Variants in EFCAB11 observed in about 807,000 individuals in gnomAD.
EFCAB11 encodes EF-hand calcium-binding domain-containing protein 11.
EFCAB11 carries 14 observed loss-of-function variants against 23.0 expected under a neutral mutation model. The observed-to-expected ratio is 0.61, with a 90% CI of 0.40 to 0.95. The LOEUF (loss-of-function observed/expected upper bound fraction) is 0.95. Ranked by LOEUF, EFCAB11 falls within the 40% of genes least tolerant of loss-of-function variation. The probability of loss-of-function intolerance (pLI) is 0.00; values close to 1 mark genes in which losing one functional copy is unlikely to be tolerated. For missense variants in EFCAB11, 198 were observed against 195.8 expected (o/e 1.01, Z -0.07); for synonymous variants, 65 against 66.6 (o/e 0.98, Z 0.11).
chr14:89,923,653 C>G, intron 5 of EFCAB11: 8 of 982,202 alleles, frequency 8.1e-6, no homozygotes, highest in Non-Finnish European at 9.7e-6. Context: ...GTTTCTATAC[C>G]TGGAAGCAGG....
intron 5 of EFCAB11, among the ~76,000 whole-genome samples, chr14:89,819,453 T>G (rs913271241): frequency 7.9e-6 from 1 of 126,630 alleles, no homozygotes; most frequent in African/African-American, 4.0e-5. Context: ...AAGGTCTCAC[T>G]TTGTCACCTA....
At chr14:89,878,392 C>G (rs1307081289) in intron 5 of EFCAB11, among the ~76,000 whole-genome samples, 1 of 152,066 alleles carries the variant, frequency 6.6e-6, no homozygotes, top group Non-Finnish European at 1.5e-5. Flanking sequence ...AAAGGTACTT[C>G]TGAACTTTAC....
At chr14:89,843,306 ATAAGT>A (rs1240367632) in intron 5 of EFCAB11, among the ~76,000 whole-genome samples, 3 of 152,222 alleles carry the variant, frequency 2.0e-5, no homozygotes, top group African/African-American at 4.8e-5. Flanking sequence ...TCATTTTAAA[ATAAGT>A]TATTTGTATT....
chr14:89,828,107 C>T (rs151291533), intron 5 of EFCAB11, among the ~76,000 whole-genome samples: 130 of 152,176 alleles, frequency 8.5e-4, no homozygotes, highest in African/African-American at 2.8e-3. Flanking sequence ...ATTTAGTAGC[C>T]GTTTGCATAA....
At chr14:89,945,534 CA>C (rs748490932) in intron 3 of EFCAB11, among the ~76,000 whole-genome samples, 3 of 152,132 alleles carry the variant, frequency 2.0e-5, no homozygotes, top group Non-Finnish European at 4.4e-5. Flanking sequence ...TTACTTGGAA[CA>C]ACTATTTGCA....
chr14:89,857,148 T>C (rs1173131028), intron 5 of EFCAB11, among the ~76,000 whole-genome samples: 2 of 152,244 alleles, frequency 1.3e-5, no homozygotes, highest in African/African-American at 4.8e-5. Flanking sequence ...CTCTGAGTGT[T>C]ATCTTTCTTA....
At chr14:89,951,059 C>T (rs934422046) in intron 2 of EFCAB11, among the ~76,000 whole-genome samples, 4 of 151,550 alleles carry the variant, frequency 2.6e-5, no homozygotes, top group African/African-American at 9.7e-5. Flanking sequence ...CCCCTCCACC[C>T]AATTTCAGAT....
chr14:89,897,534 T>A (rs1450220184), intron 5 of EFCAB11, among the ~76,000 whole-genome samples: 1 of 152,116 alleles, frequency 6.6e-6, no homozygotes, highest in Non-Finnish European at 1.5e-5. Flanking sequence ...AGCACGGGAA[T>A]AATAAACACT....
At chr14:89,819,338 T>C (rs1344073061) in intron 5 of EFCAB11, among the ~76,000 whole-genome samples, 2 of 148,756 alleles carry the variant, frequency 1.3e-5, no homozygotes, top group East Asian at 1.9e-4. Context: ...AGTGGTTATC[T>C]GAGAAGAGGG....
intron 5 of EFCAB11, among the ~76,000 whole-genome samples, chr14:89,825,263 T>A (rs1432925565): frequency 1.3e-5 from 2 of 151,822 alleles, no homozygotes; most frequent in African/African-American, 4.8e-5. Flanking sequence ...AAAAGAAAAT[T>A]CAAGAAAAAT....
chr14:89,865,558 G>A lies in EFCAB11; in HGVS notation c.410+65983C>T, dbSNP rs1888061226. ...GGTCCAATGCCCAGGCTGGAGTGCA[G>A]TGAAACAATCACGGCTCACTGCAGC... is the stretch of plus-strand genomic sequence containing the variant. On this transcript the variant is annotated intron_variant, in intron 5 of 5. Transcript: ENST00000316738. Among the ~76,000 whole-genome samples, 5 of 152,156 alleles carry A rather than the reference G, an allele frequency of 3.3e-5. No individual in the cohort carries two copies. The South Asian group carries it at 1.0e-3, about 32-fold the overall frequency.
intron 5 of EFCAB11, among the ~76,000 whole-genome samples, chr14:89,920,348 C>T (rs1335896678): frequency 6.6e-6 from 1 of 152,190 alleles, no homozygotes; most frequent in African/African-American, 2.4e-5. Flanking sequence ...AGTGAATAGG[C>T]CTTGCTTCCT....
At chr14:89,802,207 T>G (rs1596371882) in intron 5 of EFCAB11, among the ~76,000 whole-genome samples, 3 of 136,102 alleles carry the variant, frequency 2.2e-5, no homozygotes, top group South Asian at 4.7e-4. Flanking sequence ...CCAAGTTACT[T>G]AAAAAAAAAA....
In EFCAB11 at chr14:89,930,290, T is replaced by C. The variant is rs146550144; in HGVS notation, c.410+1251A>G. Among the ~76,000 whole-genome samples, 21 of 152,348 alleles carry C rather than the reference T, an allele frequency of 1.4e-4. No homozygotes were observed. In the East Asian group the frequency reaches 2.7e-3, roughly 20 times the overall value. On this transcript the variant is annotated intron_variant, in intron 5 of 5. Transcript: ENST00000316738. Reference sequence around the variant, plus strand: ...AAATAACCTATTTACTAATTTCTATTGAGAAGGGCTGGCTCTGGTCATATT... The same window carrying C: ...AAATAACCTATTTACTAATTTCTATCGAGAAGGGCTGGCTCTGGTCATATT...
chr14:89,860,687 G>C (rs1448170887), intron 5 of EFCAB11, among the ~76,000 whole-genome samples: 2 of 152,182 alleles, frequency 1.3e-5, no homozygotes, highest in African/African-American at 4.8e-5. Flanking sequence ...AGAGGGATAA[G>C]TGAAATTCTG....
At chr14:89,879,144 G>A (rs1389505669) in intron 5 of EFCAB11, among the ~76,000 whole-genome samples, 3 of 151,414 alleles carry the variant, frequency 2.0e-5, no homozygotes, top group African/African-American at 4.9e-5. Context: ...GTTCTCCACT[G>A]TTTTTGTTAA....
intron 1 of EFCAB11, 103 bp from the exon 2 acceptor site, chr14:89,954,104 G>T: frequency 2.0e-6 from 2 of 1,000,140 alleles, no homozygotes; most frequent in Non-Finnish European, 2.9e-6. Flanking sequence ...ACTTGGCCCA[G>T]CGGTAGAGTA....
At chr14:89,923,522 G>T (rs535523354) in intron 5 of EFCAB11, 3 of 232,992 alleles carry the variant, frequency 1.3e-5, no homozygotes, top group Non-Finnish European at 1.4e-5. Flanking sequence ...TGAAATAAAA[G>T]TTGGGACCTC....
chr14:89,906,533 C>T (rs773526003), intron 5 of EFCAB11, among the ~76,000 whole-genome samples: 57 of 152,100 alleles, frequency 3.7e-4, no homozygotes, highest in African/African-American at 6.5e-4. Context: ...TTGATGTCTA[C>T]GGTTTTTCCT....
Sources: gnomAD v4.1 joint callset for allele counts (sites outside exome capture counted in the v4.1 genomes callset) on GRCh38, gnomAD v4.1.1 for gene constraint, MANE v1.5 for transcripts, NCBI Gene and HGNC (gene_info 2026-07-23, HGNC 2026-07-21) for gene names.